Variants in UBE2M observed in about 807,000 individuals in gnomAD.
UBE2M encodes the protein ubiquitin conjugating enzyme E2 M.
UBE2M carries 2 observed loss-of-function variants against 23.5 expected under a neutral mutation model. That is an observed-to-expected ratio of 0.09 (90% CI 0.03 to 0.27). The LOEUF is 0.27. Among genes scored for constraint, UBE2M ranks in the 10% least tolerant of loss-of-function variants. UBE2M has a pLI of 1.00. For synonymous variants in UBE2M, 97 were observed against 95.2 expected (o/e 1.02, Z -0.11); for missense variants, 103 against 232.9 (o/e 0.44, Z 3.63).
intron 1 of UBE2M, among the ~76,000 whole-genome samples, chr19:58,557,358 A>G (rs2053898725): frequency 6.6e-6 from 1 of 151,738 alleles, no homozygotes; most frequent in Non-Finnish European, 1.5e-5. Flanking sequence ...GTGGATACAC[A>G]GCATACCCCA....
intron 1 of UBE2M, 101 bp from the exon 2 acceptor site, chr19:58,557,258 C>G: frequency 8.3e-7 from 1 of 1,199,686 alleles, no homozygotes; most frequent in Non-Finnish European, 1.2e-6. Context: ...GTTAGCAGAG[C>G]CCCCATCGTC....
Position 58,558,207 on chromosome 19 carries a change from C to T in UBE2M, c.109+66G>A. On this transcript the variant is annotated intron_variant, in intron 1 of 5. Coordinates refer to ENST00000253023, the MANE Select transcript of UBE2M (RefSeq NM_003969.4). The surrounding 1 kb of genome is among the most constrained non-coding windows in gnomAD (Gnocchi z 4.7). ...AACCGCATTACCCCTTCCTGACTCCCACATCACCCTGCCTCAGGCCCTGAC... is the reference window on the plus strand; with the variant it reads ...AACCGCATTACCCCTTCCTGACTCCTACATCACCCTGCCTCAGGCCCTGAC... The T allele has an allele frequency of 1.4e-6, 2 of 1,407,278 alleles. No homozygotes were observed. The highest frequency in any genetic ancestry group is 9.7e-7 in the Non-Finnish European group (1 of 1,028,928). The allele number at this position is 1,407,278 out of a possible 1,614,324, so 87.2% of individuals were successfully genotyped here.
rs1170799197 is a variant in UBE2M at position 58,556,144 on chromosome 19, C to T, written c.497G>A (p.Arg166His). The T allele has an allele frequency of 1.2e-6, 2 of 1,613,712 alleles. No homozygotes were observed. Among genetic ancestry groups the T allele is most frequent in the Middle Eastern group, 1.7e-4 (1 of 5,884 alleles). Residue 166 changes from arginine to histidine, a missense_variant, in exon 6 of 6, where the codon CGC becomes CAC. Transcript: ENST00000253023. This position sits in a 1 kb window ranked among gnomAD's most constrained non-coding sequence, Gnocchi z 4.9. Reference protein sequence around the residue: ...NRRLFEQNVQRSMRGGYIGST... With the variant: ...NRRLFEQNVQHSMRGGYIGST... ...GCCGATGTAGCCACCCCGCATGGAG[C>T]GCTGCACGTTCTGCTCAAACAGCCG...
rs1221469351 is a variant in UBE2M at position 58,556,114 on chromosome 19, G to T, written c.527C>A (p.Thr176Asn). 5 of 1,612,230 alleles carry T rather than the reference G, an allele frequency of 3.1e-6. No individual in the cohort carries two copies. In the Admixed American group the frequency reaches 5.0e-5, roughly 16 times the overall value. ...CTATTTCAGGCAGCGCTCAAAGTAG[G>T]TGGAGCCGATGTAGCCACCCCGCAT... ...RSMRGGYIGS[T>N]YFERCLK The change falls in exon 6 of 6, where the codon ACC (threonine) becomes AAC (asparagine). Residue 176 changes from threonine to asparagine, a missense_variant. Around this residue, in one of 3 missense-constraint regions of UBE2M, gnomAD observed 34 missense variants for 45.6 expected, o/e 0.75. Transcript: ENST00000253023. The surrounding 1 kb of genome is among the most constrained non-coding windows in gnomAD (Gnocchi z 4.9).
In UBE2M at chr19:58,558,327, C is replaced by T; in HGVS notation, c.55G>A (p.Gly19Ser). ...QQKKEEESAGGTKGSSKKASA... is the reference protein window; with the variant it reads ...QQKKEEESAGSTKGSSKKASA... Reference sequence around the variant, plus strand: ...GCCTTCTTGCTGCTGCCCTTGGTGCCGCCCGCCGACTCCTCCTCCTTCTTC... The same window carrying T: ...GCCTTCTTGCTGCTGCCCTTGGTGCTGCCCGCCGACTCCTCCTCCTTCTTC... Residue 19 changes from glycine (G) to serine (S), a missense_variant, in exon 1 of 6, where the codon GGC (glycine) becomes AGC (serine). Around this residue, in one of 3 missense-constraint regions of UBE2M, gnomAD observed 57 missense variants for 103.3 expected, o/e 0.55. Transcript: ENST00000253023. The surrounding 1 kb of genome is among the most constrained non-coding windows in gnomAD (Gnocchi z 4.7). 6.3e-7 allele frequency: 1 copy of T among 1,598,974 alleles called. No homozygotes were observed. Among genetic ancestry groups the T allele is most frequent in the Non-Finnish European group, 8.5e-7 (1 of 1,174,000 alleles).
Position 58,557,731 on chromosome 19 carries a change from A to G in UBE2M, c.109+542T>C, listed in dbSNP as rs551211716. 3.8e-3 allele frequency among the ~76,000 whole-genome samples: 571 copies of G among 149,864 alleles called. 5 individuals are homozygous for G. The highest frequency in any genetic ancestry group is 6.4e-3 in the Non-Finnish European group (434 of 67,522). On this transcript the variant is annotated intron_variant, in intron 1 of 5. Transcript: ENST00000253023. ...AAATTTCCCCTCACCCCTGTCTCCA[A>G]TCCCTGGTACTCATTAACCTTCCCT... is the stretch of plus-strand genomic sequence containing the variant.
chr19:58,555,962 G>C lies in UBE2M; in HGVS notation c.*127C>G, dbSNP rs964380633. The C allele has an allele frequency of 5.2e-6, 7 of 1,340,220 alleles. No homozygotes were observed. The highest frequency in any genetic ancestry group is 7.0e-6 in the Non-Finnish European group (7 of 1,004,692). 83.0% of individuals were successfully genotyped at this position (1,340,220 alleles called of 1,614,324 possible). On this transcript the variant is annotated 3_prime_UTR_variant, in exon 6 of 6. Coordinates refer to ENST00000253023, the MANE Select transcript of UBE2M (RefSeq NM_003969.4). Reference sequence around the variant, plus strand: ...TAACTAGGGGCACGTGGCAGGAAGGGGAGGCAAGGCCAAGGCAGGGGATTC... The same window carrying C: ...TAACTAGGGGCACGTGGCAGGAAGGCGAGGCAAGGCCAAGGCAGGGGATTC...
intron 1 of UBE2M, among the ~76,000 whole-genome samples, chr19:58,557,519 A>G (rs562170323): frequency 1.3e-5 from 2 of 151,814 alleles, no homozygotes; most frequent in South Asian, 2.1e-4. Flanking sequence ...CCTCCACTCT[A>G]CAGTATCTAC....
chr19:58,555,822 G>T lies in UBE2M; in HGVS notation c.*267C>A. On this transcript the variant is annotated 3_prime_UTR_variant, in exon 6 of 6. Transcript: ENST00000253023. The stretch of plus-strand genomic sequence containing the variant: ...GCCCACCCACTCCACAGCCCAGAGT[G>T]GGGGCTGAACAAGCACCCAGCAGGG... The T allele has an allele frequency of 1.9e-6, 1 of 517,120 alleles. No individual in the cohort carries two copies. Among genetic ancestry groups the T allele is most frequent in the Non-Finnish European group, 3.5e-6 (1 of 285,862 alleles). The allele number at this position is 517,120 out of a possible 1,614,324, so 32.0% of individuals were successfully genotyped here.
chr19:58,558,607 G>T lies in UBE2M; in HGVS notation c.-226C>A. The T allele has an allele frequency of 6.5e-6, 1 of 154,138 alleles. No homozygotes were observed. Among genetic ancestry groups the T allele is most frequent in the South Asian group, 1.9e-4 (1 of 5,208 alleles). The allele number at this position is 154,138 out of a possible 1,614,324, so 9.5% of individuals were successfully genotyped here. On this transcript the variant is annotated 5_prime_UTR_variant, in exon 1 of 6. Coordinates refer to ENST00000253023, the MANE Select transcript of UBE2M (RefSeq NM_003969.4). The surrounding 1 kb of genome is among the most constrained non-coding windows in gnomAD (Gnocchi z 4.7). ...GGCTCCGGCCTGGCCCAGCGCCTCGGACTCGCTCGGCAGCGCTCGGCCAAA... is the reference window on the plus strand; with the variant it reads ...GGCTCCGGCCTGGCCCAGCGCCTCGTACTCGCTCGGCAGCGCTCGGCCAAA...
Position 58,558,179 on chromosome 19 carries a change from A to C in UBE2M, c.109+94T>G. On this transcript the variant is annotated intron_variant, in intron 1 of 5. Transcript: ENST00000253023. This position sits in a 1 kb window ranked among gnomAD's most constrained non-coding sequence, Gnocchi z 4.7. ...TCGGGGCCCTTCACCTCTGACCCTC[A>C]GCAACCGCATTACCCCTTCCTGACT... is the stretch of plus-strand genomic sequence containing the variant. 1 of 1,061,632 alleles carries C rather than the reference A, an allele frequency of 9.4e-7. No homozygotes were observed. The highest frequency in any genetic ancestry group is 1.3e-6 in the Non-Finnish European group (1 of 758,840). The allele number at this position is 1,061,632 out of a possible 1,614,324, so 65.8% of individuals were successfully genotyped here.
rs2053907567 is a variant in UBE2M at position 58,558,408 on chromosome 19, C to T, written c.-27G>A. ...CTGCCGCCGCCGCCGCCGCTGCCGC[C>T]GCCGCGGGGCCCGGGACCCCGGCCA... On this transcript the variant is annotated 5_prime_UTR_variant, in exon 1 of 6. Coordinates refer to ENST00000253023, the MANE Select transcript of UBE2M (RefSeq NM_003969.4). The surrounding 1 kb of genome is among the most constrained non-coding windows in gnomAD (Gnocchi z 4.7). 7 of 1,255,412 alleles carry T rather than the reference C, an allele frequency of 5.6e-6. No homozygotes were observed. Among genetic ancestry groups the T allele is most frequent in the Non-Finnish European group, 6.1e-6 (6 of 977,486 alleles). 77.8% of individuals were successfully genotyped at this position (1,255,412 alleles called of 1,614,324 possible).
Position 58,558,424 on chromosome 19 carries a change from ACCCCGGCCACCCGGCC to A in UBE2M, c.-59_-44del. 1.0e-6 allele frequency: 1 copy of A among 999,914 alleles called. No homozygotes were observed. The highest frequency in any genetic ancestry group is 8.4e-5 in the East Asian group (1 of 11,836). The allele number at this position is 999,914 out of a possible 1,614,324, so 61.9% of individuals were successfully genotyped here. A position where few individuals can be genotyped will look rare whatever the true frequency, so the allele number is the denominator to read the frequency against. The stretch of plus-strand genomic sequence containing the variant: ...CGCTGCCGCCGCCGCGGGGCCCGGG[ACCCCGGCCACCCGGCC>A]CCCCGCCGCCGCCCGCGTCGCCTCC... On this transcript the variant is annotated 5_prime_UTR_variant, in exon 1 of 6. Transcript: ENST00000253023. This position sits in a 1 kb window ranked among gnomAD's most constrained non-coding sequence, Gnocchi z 4.7.
Position 58,556,136 on chromosome 19 carries a change from G to C in UBE2M, c.505C>G (p.Arg169Gly). ...TAGGTGGAGCCGATGTAGCCACCCC[G>C]CATGGAGCGCTGCACGTTCTGCTCA... The part of the protein sequence containing the change: ...LFEQNVQRSM[R>G]GGYIGSTYFE... The change falls in exon 6 of 6, where the codon CGG becomes GGG. Residue 169 changes from arginine to glycine, a missense_variant. This residue lies in a region of UBE2M where 34 missense variants were observed against 45.6 expected (regional missense o/e 0.75). Transcript: ENST00000253023. The surrounding 1 kb of genome is among the most constrained non-coding windows in gnomAD (Gnocchi z 4.9). 6.2e-7 allele frequency: 1 copy of C among 1,613,506 alleles called. No homozygotes were observed. Among genetic ancestry groups the C allele is most frequent in the Non-Finnish European group, 8.5e-7 (1 of 1,179,892 alleles).
At position 58,555,843 on chromosome 19, in the gene UBE2M, C is replaced by A. The variant is rs1014183526; in HGVS notation, c.*246G>T. The A allele has an allele frequency of 3.6e-6, 2 of 557,940 alleles. No individual in the cohort carries two copies. Among genetic ancestry groups the A allele is most frequent in the Non-Finnish European group, 3.2e-6 (1 of 314,578 alleles). The allele number at this position is 557,940 out of a possible 1,614,324, so 34.6% of individuals were successfully genotyped here. On this transcript the variant is annotated 3_prime_UTR_variant, in exon 6 of 6. Coordinates refer to ENST00000253023, the MANE Select transcript of UBE2M (RefSeq NM_003969.4). ...GAGTGGGGGCTGAACAAGCACCCAGCAGGGGGGCTAGACAAGCCAATTCAT... is the reference window on the plus strand; with the variant it reads ...GAGTGGGGGCTGAACAAGCACCCAGAAGGGGGGCTAGACAAGCCAATTCAT...
Position 58,556,832 on chromosome 19 carries a change from A to G in UBE2M, c.244-42T>C. 6.2e-7 allele frequency: 1 copy of G among 1,612,646 alleles called. No homozygotes were observed. The highest frequency in any genetic ancestry group is 8.5e-7 in the Non-Finnish European group (1 of 1,179,328). On this transcript the variant is annotated intron_variant, in intron 3 of 5. Coordinates refer to ENST00000253023, the MANE Select transcript of UBE2M (RefSeq NM_003969.4). This position sits in a 1 kb window ranked among gnomAD's most constrained non-coding sequence, Gnocchi z 4.9. ...AAAAGAGAGATGGGTAGGTGCCTGG[A>G]AGGGCCTCAGCTGCTGCCTCCTCTG...
At position 58,555,845 on chromosome 19, in the gene UBE2M, G is replaced by C. The variant is rs567279489; in HGVS notation, c.*244C>G. 2 of 562,358 alleles carry C rather than the reference G, an allele frequency of 3.6e-6. No homozygotes were observed. Among genetic ancestry groups the C allele is most frequent in the Admixed American group, 3.1e-5 (1 of 32,218 alleles). 34.8% of individuals were successfully genotyped at this position (562,358 alleles called of 1,614,324 possible). A position where few individuals can be genotyped will look rare whatever the true frequency, so the allele number is the denominator to read the frequency against. ...GTGGGGGCTGAACAAGCACCCAGCA[G>C]GGGGGCTAGACAAGCCAATTCATTT... On this transcript the variant is annotated 3_prime_UTR_variant, in exon 6 of 6. Coordinates refer to ENST00000253023, the MANE Select transcript of UBE2M (RefSeq NM_003969.4).
chr19:58,557,038 G>A, intron 2 of UBE2M, 25 bp downstream of exon 2: 1 of 1,613,990 alleles, frequency 6.2e-7, no homozygotes, highest in East Asian at 2.2e-5. Context: ...TTTGCTCCTG[G>A]GAATTCAGCC....
chr19:58,558,234 T>C lies in UBE2M; in HGVS notation c.109+39A>G. The stretch of plus-strand genomic sequence containing the variant: ...CATCACCCTGCCTCAGGCCCTGACC[T>C]CCGACCTCCGGCTCCAACCCCATCC... On this transcript the variant is annotated intron_variant, in intron 1 of 5. Transcript: ENST00000253023. This position sits in a 1 kb window ranked among gnomAD's most constrained non-coding sequence, Gnocchi z 4.7. The C allele has an allele frequency of 6.4e-7, 1 of 1,563,640 alleles. No individual in the cohort carries two copies. The highest frequency in any genetic ancestry group is 8.7e-7 in the Non-Finnish European group (1 of 1,148,688).
Sources: allele counts gnomAD v4.1 joint callset (sites outside exome capture counted in the v4.1 genomes callset), GRCh38; gene constraint gnomAD v4.1.1; regional missense constraint gnomAD v4.1.1; non-coding constraint Gnocchi (gnomAD v3.1); transcripts MANE v1.5; gene names NCBI Gene and HGNC (gene_info 2026-07-23, HGNC 2026-07-21).